VAC14: variants seen among roughly 807,000 people sequenced by gnomAD.
The protein encoded by VAC14 is protein VAC14 homolog.
VAC14 carries 47 observed loss-of-function variants against 85.3 expected under a neutral mutation model. The observed-to-expected ratio is 0.55, with a 90% confidence interval of 0.44 to 0.70. VAC14 has a LOEUF of 0.70. Among genes scored for constraint, VAC14 ranks in the 30% least tolerant of loss-of-function variants. VAC14 has a pLI of 0.00. For missense variants in VAC14, 861 were observed against 1,004.3 expected (o/e 0.86, Z 1.93); for synonymous variants, 447 against 430.5 (o/e 1.04, Z -0.47).
At position 70,781,943 on chromosome 16, in the gene VAC14, C is replaced by T. The variant is rs758993277; in HGVS notation, c.872G>A (p.Arg291His). ...WMREFIQLAGRVMLPYSSGIL... is the reference protein window; with the variant it reads ...WMREFIQLAGHVMLPYSSGIL... The stretch of plus-strand genomic sequence containing the variant: ...CCCGGAGGAGTAAGGCAGCATGACG[C>T]GGCCCGCCAGCTGGATGAACTCCCG... The change falls in exon 8 of 19, where the codon CGC (arginine) becomes CAC (histidine). Residue 291 changes from arginine to histidine, a missense_variant. Physicochemically the swap from Arg to His is conservative, Grantham distance 29. This residue lies in a region of VAC14 where 629 missense variants were observed against 703.1 expected (regional missense o/e 0.89). Coordinates refer to ENST00000261776, the MANE Select transcript of VAC14 (RefSeq NM_018052.5). The T allele has an allele frequency of 5.0e-6, 8 of 1,614,000 alleles. No individual in the cohort carries two copies. The highest frequency in any genetic ancestry group is 2.2e-5 in the East Asian group (1 of 44,896).
chr16:70,782,502 G>C (rs967574980), intron 7 of VAC14, among the ~76,000 whole-genome samples: 1 of 152,220 alleles, frequency 6.6e-6, no homozygotes, highest in East Asian at 1.9e-4. Flanking sequence ...CATGACATGA[G>C]CCAGACAACT....
At chr16:70,733,734 C>G (rs1428336919) in intron 13 of VAC14, among the ~76,000 whole-genome samples, 1 of 152,102 alleles carries the variant, frequency 6.6e-6, no homozygotes, top group Non-Finnish European at 1.5e-5. Context: ...AGGAACCAAG[C>G]AGATGCTAAC....
At chr16:70,756,740 G>C (rs531111736) in intron 12 of VAC14, among the ~76,000 whole-genome samples, 15 of 152,214 alleles carry the variant, frequency 9.9e-5, no homozygotes, top group Non-Finnish European at 1.8e-4. Context: ...CCTTGGACCG[G>C]GTACATCGCT....
intron 12 of VAC14, among the ~76,000 whole-genome samples, chr16:70,755,772 G>A (rs1250975134): frequency 6.6e-6 from 1 of 152,208 alleles, no homozygotes; most frequent in Non-Finnish European, 1.5e-5. Context: ...TCTCTAAGCT[G>A]CCCTCAAATG....
At chr16:70,779,811 T>G (rs1597999754) in intron 9 of VAC14, among the ~76,000 whole-genome samples, 1 of 152,080 alleles carries the variant, frequency 6.6e-6, no homozygotes, top group East Asian at 1.9e-4. Flanking sequence ...AAATTCCAGA[T>G]GCCAGTCGGC....
At chr16:70,764,710 CTCTTT>C (rs753739873) in intron 10 of VAC14, among the ~76,000 whole-genome samples, 1 of 152,196 alleles carries the variant, frequency 6.6e-6, no homozygotes, top group Non-Finnish European at 1.5e-5. Flanking sequence ...AAAATCTATT[CTCTTT>C]TGTGTCCTAA....
At chr16:70,710,140 C>T (rs1321155480) in intron 14 of VAC14, among the ~76,000 whole-genome samples, 1 of 152,268 alleles carries the variant, frequency 6.6e-6, no homozygotes, top group Non-Finnish European at 1.5e-5. Flanking sequence ...AAGCCAAGGA[C>T]TGGTCCCAGG....
chr16:70,729,895 T>G (rs1190173300), intron 14 of VAC14, among the ~76,000 whole-genome samples: 3 of 152,114 alleles, frequency 2.0e-5, no homozygotes, highest in Non-Finnish European at 4.4e-5. Flanking sequence ...CGGTACCCCC[T>G]TGGAGAGCCT....
intron 14 of VAC14, among the ~76,000 whole-genome samples, chr16:70,726,639 T>C (rs763885579): frequency 3.9e-5 from 6 of 152,146 alleles, no homozygotes; most frequent in Non-Finnish European, 7.3e-5. Context: ...CCCAAATGAG[T>C]GCCTCGGGAG....
At chr16:70,750,424 G>A (rs1213737661) in intron 12 of VAC14, among the ~76,000 whole-genome samples, 1 of 152,034 alleles carries the variant, frequency 6.6e-6, no homozygotes. Context: ...GAGCAGGAGC[G>A]CCTGCCGTTA....
At chr16:70,739,143 C>A (rs2030004908) in intron 13 of VAC14, among the ~76,000 whole-genome samples, 1 of 152,210 alleles carries the variant, frequency 6.6e-6, no homozygotes, top group African/African-American at 2.4e-5. Flanking sequence ...CCCCCAGGCA[C>A]CCCAGCACCT....
At chr16:70,689,324 G>C in intron 18 of VAC14, 1 of 985,438 alleles carries the variant, frequency 1.0e-6, no homozygotes, top group Non-Finnish European at 1.2e-6. Flanking sequence ...CCCCTCCAAC[G>C]TGAGGCCAGC....
In VAC14 at chr16:70,801,133, G is replaced by A. The variant is rs917549952; in HGVS notation, c.-233C>T. 4.7e-5 allele frequency: 20 copies of A among 425,800 alleles called. No individual in the cohort carries two copies. Among genetic ancestry groups the A allele is most frequent in the Non-Finnish European group, 7.4e-5 (18 of 242,310 alleles). 26.4% of individuals were successfully genotyped at this position (425,800 alleles called of 1,614,324 possible). On this transcript the variant is annotated 5_prime_UTR_variant, in exon 1 of 19. Transcript: ENST00000261776. ...CCCGCCCGGCACTAGCGGGACTCACGAGACAGCGGCCATGTTACTCGAGTC... is the reference window on the plus strand; with the variant it reads ...CCCGCCCGGCACTAGCGGGACTCACAAGACAGCGGCCATGTTACTCGAGTC...
intron 13 of VAC14, among the ~76,000 whole-genome samples, chr16:70,739,537 C>G (rs899014946): frequency 3.3e-5 from 5 of 152,146 alleles, no homozygotes; most frequent in Non-Finnish European, 7.4e-5. Context: ...AGTGCTGGCG[C>G]AGGTGGGATT....
intron 18 of VAC14, chr16:70,690,712 G>C: frequency 1.0e-6 from 1 of 985,636 alleles, no homozygotes; most frequent in Non-Finnish European, 1.2e-6. Flanking sequence ...TCCCAGGGCT[G>C]GGACTGTCCT....
At chr16:70,721,025 C>T (rs1057492268) in intron 14 of VAC14, among the ~76,000 whole-genome samples, 2 of 152,328 alleles carry the variant, frequency 1.3e-5, no homozygotes, top group Non-Finnish European at 2.9e-5. Context: ...CGAGCCACTG[C>T]GATAAGCCAG....
At chr16:70,746,784 G>T (rs2030930663) in intron 12 of VAC14, among the ~76,000 whole-genome samples, 2 of 152,178 alleles carry the variant, frequency 1.3e-5, no homozygotes, top group Non-Finnish European at 2.9e-5. Flanking sequence ...TGCCACGGCA[G>T]GATGTACAAA....
chr16:70,786,193 G>C (rs2034047172), intron 2 of VAC14, 22 bp downstream of exon 2: 1 of 1,612,160 alleles, frequency 6.2e-7, no homozygotes, highest in Non-Finnish European at 8.5e-7. Context: ...TGGTATGTCT[G>C]TCCCTTGGGT....
chr16:70,790,731 C>T (rs545197196), intron 1 of VAC14, among the ~76,000 whole-genome samples: 2 of 152,220 alleles, frequency 1.3e-5, no homozygotes, highest in South Asian at 4.1e-4. Flanking sequence ...GGAAGGCCTC[C>T]CCCACCAGAG....
Sources: gnomAD v4.1 joint callset for allele counts (sites outside exome capture counted in the v4.1 genomes callset) on GRCh38, gnomAD v4.1.1 for gene constraint, gnomAD v4.1.1 regional missense constraint, MANE v1.5 for transcripts, NCBI Gene and HGNC (gene_info 2026-07-23, HGNC 2026-07-21) for gene names.